The following CDC42BPA variants were observed in gnomAD, a reference collection of about 807,000 sequenced individuals.
CDC42BPA encodes CDC42 binding protein kinase alpha.
A neutral mutation model predicts 223.5 loss-of-function variants in CDC42BPA; 80 were observed. That is an observed-to-expected ratio of 0.36 (90% CI 0.30 to 0.43). The LOEUF (loss-of-function observed/expected upper bound fraction) is 0.43. Ranked by LOEUF, CDC42BPA falls within the 20% of genes least tolerant of loss-of-function variation. CDC42BPA has a pLI of 1.00. For synonymous variants in CDC42BPA, 694 were observed against 718.6 expected, an observed-to-expected ratio of 0.97 and a Z score of 0.55; for missense variants, 1,743 against 2,099.9, an observed-to-expected ratio of 0.83 and a Z score of 3.32.
In CDC42BPA at chr1:227,029,207, T is replaced by C. The variant is rs374904756; in HGVS notation, c.3882A>G (p.Glu1294=). The change falls in exon 30 of 37, where the codon GAA becomes GAG. Residue 1294 remains glutamate, a synonymous_variant. Coordinates refer to ENST00000366766, the MANE Select transcript of CDC42BPA (RefSeq NM_001394014.1). ...CAACAAGCTGATCATTTGGAATGAG[T>C]TCAATCTGATGAATCTTCTTATTGT... The part of the protein sequence containing the change: ...VGDNKKIHQI[E]LIPNDQLVAV... 5.6e-6 allele frequency: 9 copies of C among 1,597,442 alleles called. No individual in the cohort carries two copies. Among genetic ancestry groups the C allele is most frequent in the South Asian group, 1.1e-5 (1 of 90,812 alleles).
At chr1:227,153,021 A>G (rs945802107) in intron 6 of CDC42BPA, among the ~76,000 whole-genome samples, 1 of 151,982 alleles carries the variant, frequency 6.6e-6, no homozygotes, top group Non-Finnish European at 1.5e-5. Flanking sequence ...AGAAATGTCA[A>G]TTCTGAATAA....
At chr1:227,160,419 C>T (rs1572051203) in intron 6 of CDC42BPA, 124 bp downstream of exon 6, 3 of 713,374 alleles carry the variant, frequency 4.2e-6, no homozygotes, top group African/African-American at 3.6e-5. Flanking sequence ...GGAGGTGGCG[C>T]ATAGATAGAC....
intron 3 of CDC42BPA, among the ~76,000 whole-genome samples, chr1:227,210,506 A>T (rs930671616): frequency 2.0e-5 from 3 of 152,200 alleles, no homozygotes; most frequent in African/African-American, 7.2e-5. Flanking sequence ...CTTGTCTCAG[A>T]AACAGAATAT....
chr1:227,219,428 C>CA (rs1369505889), intron 2 of CDC42BPA: 2 of 151,986 alleles, frequency 1.3e-5, no homozygotes, highest in Non-Finnish European at 2.9e-5. Flanking sequence ...TTCCTGAAAG[C>CA]AAAAAGGAAA....
At chr1:227,152,437 T>A (rs1002635410) in intron 6 of CDC42BPA, among the ~76,000 whole-genome samples, 2 of 152,122 alleles carry the variant, frequency 1.3e-5, no homozygotes, top group African/African-American at 2.4e-5. Flanking sequence ...CAGTGTGAAG[T>A]AATCTAAGTT....
At chr1:227,245,166 G>C (rs766905640) in intron 2 of CDC42BPA, among the ~76,000 whole-genome samples, 4 of 152,066 alleles carry the variant, frequency 2.6e-5, no homozygotes, top group Non-Finnish European at 5.9e-5. Flanking sequence ...TCATGACCTA[G>C]GGAGGCATCA....
chr1:227,271,342 T>C (rs191437939), intron 1 of CDC42BPA, among the ~76,000 whole-genome samples: 1 of 152,262 alleles, frequency 6.6e-6, no homozygotes, highest in African/African-American at 2.4e-5. Context: ...GAAATTTAGG[T>C]AGCAGTCTTT....
chr1:227,040,931 C>A (rs1269084911), intron 23 of CDC42BPA, among the ~76,000 whole-genome samples: 1 of 152,124 alleles, frequency 6.6e-6, no homozygotes, highest in Non-Finnish European at 1.5e-5. Context: ...CAAATTAATT[C>A]TCTTAGCATG....
intron 24 of CDC42BPA, among the ~76,000 whole-genome samples, chr1:227,037,142 A>C (rs1670435989): frequency 6.6e-6 from 1 of 152,258 alleles, no homozygotes; most frequent in South Asian, 2.1e-4. Flanking sequence ...TCTGATAAAC[A>C]AATTTTAAAA....
At chr1:227,078,590 G>A (rs1387497504) in intron 17 of CDC42BPA, among the ~76,000 whole-genome samples, 3 of 152,100 alleles carry the variant, frequency 2.0e-5, no homozygotes, top group Non-Finnish European at 2.9e-5. Flanking sequence ...CTCTAACGGC[G>A]GTGAGAAGAT....
rs1036557918 is a variant in CDC42BPA at position 226,994,350 on chromosome 1, C to G, written c.5183G>C (p.Ser1728Thr). ...GGGTGAAGCTGGGCTTGGGGGGCTG[C>G]TTAGGTTGGAACTGTTGGAAGCTGT... is the stretch of plus-strand genomic sequence containing the variant. ...HSTASNSSNL[S>T]SPPSPASPRK... Residue 1728 changes from serine to threonine, a missense_variant, in exon 37 of 37, where the codon AGC (serine) becomes ACC (threonine). Ser to Thr is a moderately conservative substitution (Grantham distance 58). Transcript: ENST00000366766. The surrounding 1 kb of genome is among the most constrained non-coding windows in gnomAD (Gnocchi z 4.0). 17 of 1,596,046 alleles carry G rather than the reference C, an allele frequency of 1.1e-5. No individual in the cohort carries two copies. The Admixed American group carries it at 1.7e-4, about 16-fold the overall frequency.
At chr1:227,060,527 C>T (rs1193563066) in intron 21 of CDC42BPA, among the ~76,000 whole-genome samples, 1 of 151,884 alleles carries the variant, frequency 6.6e-6, no homozygotes, top group Non-Finnish European at 1.5e-5. Context: ...GAGATATGTA[C>T]AAGGTTTGTA....
chr1:227,230,187 G>A (rs1677577577), intron 2 of CDC42BPA, among the ~76,000 whole-genome samples: 2 of 152,198 alleles, frequency 1.3e-5, no homozygotes, highest in Non-Finnish European at 2.9e-5. Context: ...GAGAAAGGTA[G>A]GGCTGAATGT....
chr1:227,304,404 T>TC lies in CDC42BPA; in HGVS notation c.178+12600dup, dbSNP rs1692202252. Among the ~76,000 whole-genome samples the TC allele has an allele frequency of 4.7e-5, 6 of 127,294 alleles. No homozygotes were observed. The Admixed American group carries it at 4.7e-4, about 10-fold the overall frequency. 83.5% of individuals were successfully genotyped at this position (127,294 alleles called of 152,430 possible). On this transcript the variant is annotated intron_variant, in intron 1 of 36. Transcript: ENST00000366766. Reference sequence around the variant, plus strand: ...CTGGGCAACAAAGCAAGATTCTATCTCAAAAAAAAAACAAAAAAAGAAAAA... The same window carrying TC: ...CTGGGCAACAAAGCAAGATTCTATCTCCAAAAAAAAAACAAAAAAAGAAAAA...
chr1:227,162,308 T>C (rs554461876), intron 5 of CDC42BPA, among the ~76,000 whole-genome samples: 1 of 152,200 alleles, frequency 6.6e-6, no homozygotes, highest in African/African-American at 2.4e-5. Flanking sequence ...TTACAGATAG[T>C]ACTGAAAAAC....
At chr1:227,177,021 T>A (rs1238330747) in intron 5 of CDC42BPA, among the ~76,000 whole-genome samples, 1 of 151,856 alleles carries the variant, frequency 6.6e-6, no homozygotes, top group Admixed American at 6.6e-5. Flanking sequence ...AATTTGTTTA[T>A]GCCCTACCTC....
At chr1:227,176,797 TA>T (rs1667029071) in intron 5 of CDC42BPA, among the ~76,000 whole-genome samples, 1 of 152,134 alleles carries the variant, frequency 6.6e-6, no homozygotes. Flanking sequence ...ACAACATTCC[TA>T]AAATTCTTGT....
chr1:227,121,221 G>A (rs1271593829), intron 11 of CDC42BPA, among the ~76,000 whole-genome samples: 1 of 152,178 alleles, frequency 6.6e-6, no homozygotes, highest in Non-Finnish European at 1.5e-5. Flanking sequence ...AAGACCTAAT[G>A]AAGCAGAATC....
At chr1:227,290,937 C>T (rs1689584273) in intron 1 of CDC42BPA, among the ~76,000 whole-genome samples, 1 of 152,082 alleles carries the variant, frequency 6.6e-6, no homozygotes, top group African/African-American at 2.4e-5. Flanking sequence ...GCCACAATGC[C>T]AACTATAGGG....
Sources: gnomAD v4.1 joint callset for allele counts (sites outside exome capture counted in the v4.1 genomes callset) on GRCh38, gnomAD v4.1.1 for gene constraint, Gnocchi (gnomAD v3.1) non-coding constraint, MANE v1.5 for transcripts, NCBI Gene and HGNC (gene_info 2026-07-23, HGNC 2026-07-21) for gene names.